Variants in EPHA3 observed in about 807,000 individuals in gnomAD.
EPHA3 encodes ephrin type-A receptor 3.
Under a neutral mutation model 107.1 loss-of-function variants are expected in EPHA3, and 42 were observed. The observed-to-expected ratio is 0.39, with a 90% confidence interval of 0.31 to 0.51. The LOEUF (loss-of-function observed/expected upper bound fraction) is 0.51, where lower values mean the gene tolerates loss of function less well. Ranked by LOEUF, EPHA3 falls within the 20% of genes least tolerant of loss-of-function variation. The probability of loss-of-function intolerance (pLI) is 0.78; values close to 1 mark genes in which losing one functional copy is unlikely to be tolerated. For missense variants in EPHA3, 1,183 were observed against 1,211.2 expected (o/e 0.98, Z 0.35); for synonymous variants, 461 against 424.8 (o/e 1.09, Z -1.05).
chr3:89,473,000 A>G (rs1710437805), intron 16 of EPHA3, among the ~76,000 whole-genome samples: 1 of 152,200 alleles, frequency 6.6e-6, no homozygotes, highest in Admixed American at 6.5e-5. Flanking sequence ...TATTTTTACT[A>G]AAGCTTAACA....
chr3:89,442,643 A>C (rs746661760), intron 13 of EPHA3, among the ~76,000 whole-genome samples: 1 of 152,186 alleles, frequency 6.6e-6, no homozygotes, highest in Non-Finnish European at 1.5e-5. Context: ...CTTGCCTACA[A>C]GGTTCCCATC....
At chr3:89,433,299 C>A (rs1276878767) in intron 13 of EPHA3, among the ~76,000 whole-genome samples, 2 of 149,552 alleles carry the variant, frequency 1.3e-5, no homozygotes. Context: ...AAGTTTATTC[C>A]CGATTAAAAA....
At chr3:89,300,463 A>C (rs1427869283) in intron 3 of EPHA3, among the ~76,000 whole-genome samples, 2 of 152,048 alleles carry the variant, frequency 1.3e-5, no homozygotes, top group Admixed American at 1.3e-4. Flanking sequence ...ACAGACATAC[A>C]AATAAACACA....
intron 1 of EPHA3, among the ~76,000 whole-genome samples, chr3:89,113,267 T>C (rs894380247): frequency 6.6e-6 from 1 of 152,000 alleles, no homozygotes; most frequent in African/African-American, 2.4e-5. Context: ...GTGACATTTA[T>C]AAAATGCAAA....
intron 3 of EPHA3, among the ~76,000 whole-genome samples, chr3:89,263,725 G>A (rs1408182964): frequency 3.3e-5 from 5 of 152,106 alleles, no homozygotes; most frequent in African/African-American, 1.2e-4. Context: ...CAGGATGGGA[G>A]TGGGGTGGGC....
At chr3:89,397,784 C>T (rs191048634) in intron 6 of EPHA3, among the ~76,000 whole-genome samples, 1 of 152,098 alleles carries the variant, frequency 6.6e-6, no homozygotes, top group African/African-American at 2.4e-5. Flanking sequence ...GGTTTCTCCA[C>T]GTTGGTCAGG....
chr3:89,346,398 T>C (rs1187577753), intron 5 of EPHA3, among the ~76,000 whole-genome samples: 14 of 140,114 alleles, frequency 1.0e-4, no homozygotes, highest in African/African-American at 2.7e-4. Flanking sequence ...ATGTGTTTTT[T>C]GGCTGCATAA....
At chr3:89,169,811 TTTTG>T (rs1468990859) in intron 2 of EPHA3, among the ~76,000 whole-genome samples, 1 of 152,224 alleles carries the variant, frequency 6.6e-6, no homozygotes, top group African/African-American at 2.4e-5. Context: ...ATAACCTTAA[TTTTG>T]TTTTTTTGTT....
chr3:89,211,856 G>C (rs1423471884), intron 3 of EPHA3, among the ~76,000 whole-genome samples: 2 of 148,876 alleles, frequency 1.3e-5, no homozygotes, highest in African/African-American at 2.5e-5. Context: ...TGGCTAGGTA[G>C]GATAGGAAAA....
chr3:89,204,043 A>G (rs1358391365), intron 2 of EPHA3, among the ~76,000 whole-genome samples: 1 of 152,132 alleles, frequency 6.6e-6, no homozygotes, highest in Admixed American at 6.5e-5. Flanking sequence ...GAAAGTACTG[A>G]GGTATGCCCA....
chr3:89,121,530 G>T (rs138706071), intron 1 of EPHA3, among the ~76,000 whole-genome samples: 3 of 152,048 alleles, frequency 2.0e-5, no homozygotes. Context: ...AGGCCAAGGC[G>T]TGCGGATCAT....
intron 3 of EPHA3, among the ~76,000 whole-genome samples, chr3:89,219,220 G>T (rs1414525438): frequency 6.6e-6 from 1 of 151,810 alleles, no homozygotes; most frequent in African/African-American, 2.4e-5. Context: ...TTAAAGTGCA[G>T]TGGCAGGATC....
At chr3:89,241,586 C>T (rs1704897590) in intron 3 of EPHA3, among the ~76,000 whole-genome samples, 1 of 152,006 alleles carries the variant, frequency 6.6e-6, no homozygotes. Context: ...AGGCATTGTT[C>T]ATTTGTATAG....
intron 3 of EPHA3, among the ~76,000 whole-genome samples, chr3:89,240,161 A>G (rs1704860600): frequency 6.6e-6 from 1 of 152,216 alleles, no homozygotes; most frequent in African/African-American, 2.4e-5. Context: ...ATACATTTGT[A>G]TGGCATTACT....
chr3:89,471,595 C>A (rs1710403298), intron 15 of EPHA3, among the ~76,000 whole-genome samples: 2 of 152,074 alleles, frequency 1.3e-5, no homozygotes, highest in African/African-American at 2.4e-5. Flanking sequence ...AACTCCTGAC[C>A]TCAGGTGACC....
At chr3:89,374,120 T>C (rs556673342) in intron 5 of EPHA3, among the ~76,000 whole-genome samples, 3 of 151,980 alleles carry the variant, frequency 2.0e-5, no homozygotes, top group African/African-American at 7.2e-5. Flanking sequence ...AAATGTTCAG[T>C]AAGATATTTT....
intron 13 of EPHA3, among the ~76,000 whole-genome samples, chr3:89,435,651 A>T (rs1709654618): frequency 6.8e-6 from 1 of 147,362 alleles, no homozygotes; most frequent in African/African-American, 2.5e-5. Flanking sequence ...ATATGTGTGT[A>T]TATGTATTAA....
chr3:89,273,391 A>G (rs1355130822), intron 3 of EPHA3, among the ~76,000 whole-genome samples: 1 of 151,918 alleles, frequency 6.6e-6, no homozygotes, highest in African/African-American at 2.4e-5. Flanking sequence ...CTTAGTTTAA[A>G]CTTTATATTA....
chr3:89,337,380 T>C (rs1707417914), intron 3 of EPHA3, among the ~76,000 whole-genome samples: 1 of 152,240 alleles, frequency 6.6e-6, no homozygotes, highest in Admixed American at 6.5e-5. Context: ...TCCTTTCCAT[T>C]GGTGCTTCAA....
Sources: gnomAD v4.1 joint callset for allele counts (sites outside exome capture counted in the v4.1 genomes callset) on GRCh38, gnomAD v4.1.1 for gene constraint, MANE v1.5 for transcripts, NCBI Gene and HGNC (gene_info 2026-07-23, HGNC 2026-07-21) for gene names.